OTOF: variants seen among roughly 807,000 people sequenced by gnomAD.
OTOF encodes the protein otoferlin, also known as fer-1-like family member 2.
A neutral mutation model predicts 236.8 loss-of-function variants in OTOF; 218 were observed. The observed-to-expected ratio is 0.92, with a 90% CI of 0.82 to 1.03. The LOEUF (loss-of-function observed/expected upper bound fraction) is 1.03, where lower values mean the gene tolerates loss of function less well. OTOF is among the 50% of genes least tolerant of loss of function. The pLI is 0.00. For missense variants in OTOF, 2,590 were observed against 2,694.4 expected, an observed-to-expected ratio of 0.96 and a Z score of 0.86; for synonymous variants, 1,041 against 1,072.5, an observed-to-expected ratio of 0.97 and a Z score of 0.57.
chr2:26,553,710 A>G (rs939528742), intron 1 of OTOF, among the ~76,000 whole-genome samples: 3 of 152,096 alleles, frequency 2.0e-5, no homozygotes, highest in East Asian at 1.9e-4. Flanking sequence ...CCCCTGCTCA[A>G]TAAAAACTCC....
Position 26,475,841 on chromosome 2 carries a change from C to T in OTOF, c.2991+73G>A. Reference sequence around the variant, plus strand: ...CCCACAGGCTCACAGGCCCCACAGGCTCCAGTCCCCACAGGCTCACAGGCT... The same window carrying T: ...CCCACAGGCTCACAGGCCCCACAGGTTCCAGTCCCCACAGGCTCACAGGCT... On this transcript the variant is annotated intron_variant, in intron 24 of 46. Coordinates refer to ENST00000272371, the MANE Select transcript of OTOF (RefSeq NM_194248.3). The T allele has an allele frequency of 3.3e-6, 5 of 1,537,686 alleles. No individual in the cohort carries two copies. The African/African-American group carries it at 5.5e-5, about 17-fold the overall frequency.
Position 26,462,954 on chromosome 2 carries a change from C to T in OTOF, c.5192+529G>A, listed in dbSNP as rs1664549370. Reference sequence around the variant, plus strand: ...GGAAACCCGGGTTCTTTTCACTCTACCACCTCCTGCCTCTTCCAGGCACTC... The same window carrying T: ...GGAAACCCGGGTTCTTTTCACTCTATCACCTCCTGCCTCTTCCAGGCACTC... On this transcript the variant is annotated intron_variant, in intron 41 of 46. Transcript: ENST00000272371. The surrounding 1 kb of genome is among the most constrained non-coding windows in gnomAD (Gnocchi z 4.7). Among the ~76,000 whole-genome samples, 1 of 152,188 alleles carries T rather than the reference C, an allele frequency of 6.6e-6. No homozygotes were observed. The highest frequency in any genetic ancestry group is 2.4e-5 in the African/African-American group (1 of 41,438).
At chr2:26,519,252 A>G (rs996368124) in intron 3 of OTOF, 143 bp from the exon 4 acceptor site, 1 of 668,634 alleles carries the variant, frequency 1.5e-6, no homozygotes. Flanking sequence ...AAGGTGGCCC[A>G]GGAGCCAGGA....
rs1347066697 is a variant in OTOF at position 26,460,625 on chromosome 2, GC to G, written c.5813+21del. ...CCTCCAAGAGCCAGAGTGGGGAGGG[GC>G]TGGGCCGGCAGGGCACTCACTTGGG... On this transcript the variant is annotated intron_variant, in intron 45 of 46. Coordinates refer to ENST00000272371, the MANE Select transcript of OTOF (RefSeq NM_194248.3). The surrounding 1 kb of genome is among the most constrained non-coding windows in gnomAD (Gnocchi z 5.3). 7 of 1,590,512 alleles carry G rather than the reference GC, an allele frequency of 4.4e-6. No homozygotes were observed. Among genetic ancestry groups the G allele is most frequent in the Non-Finnish European group, 6.0e-6 (7 of 1,159,066 alleles).
In OTOF at chr2:26,462,193, G is replaced by T; in HGVS notation, c.5193-12C>A. ...CCCGCAGCTCGTACCTGGGCCCAGG[G>T]AGAGAAGGCTGGTTAGCAGCCCCAG... On this transcript the variant is annotated splice_polypyrimidine_tract_variant and intron_variant, in intron 41 of 46. Coordinates refer to ENST00000272371, the MANE Select transcript of OTOF (RefSeq NM_194248.3). This position sits in a 1 kb window ranked among gnomAD's most constrained non-coding sequence, Gnocchi z 4.7. 2 of 1,612,472 alleles carry T rather than the reference G, an allele frequency of 1.2e-6. No individual in the cohort carries two copies. Among genetic ancestry groups the T allele is most frequent in the Non-Finnish European group, 1.7e-6 (2 of 1,178,578 alleles).
At chr2:26,541,368 G>C (rs1006481424) in intron 1 of OTOF, among the ~76,000 whole-genome samples, 2 of 152,136 alleles carry the variant, frequency 1.3e-5, no homozygotes, top group African/African-American at 4.8e-5. Flanking sequence ...TTTAGGCCCT[G>C]GGGATTTAGA....
intron 5 of OTOF, among the ~76,000 whole-genome samples, chr2:26,509,832 C>T (rs898778008): frequency 1.3e-5 from 2 of 152,164 alleles, no homozygotes; most frequent in Non-Finnish European, 2.9e-5. Flanking sequence ...TTTCCTGGGT[C>T]TATGGTGAGC....
chr2:26,479,402 G>A lies in OTOF; in HGVS notation c.2094-18C>T, dbSNP rs758860602. On this transcript the variant is annotated intron_variant, in intron 17 of 46. Transcript: ENST00000272371. ...AGTAGTTCCTGGGGTGGGCAGAGGC[G>A]GGAGGTGAGGTCTTGGGGGCCCAGG... 4.3e-5 allele frequency: 70 copies of A among 1,611,380 alleles called. 1 individual carries two copies. Among genetic ancestry groups the A allele is most frequent in the Middle Eastern group, 1.6e-4 (1 of 6,078 alleles).
intron 38 of OTOF, 112 bp from the exon 39 acceptor site, chr2:26,465,141 G>T: frequency 1.1e-6 from 1 of 914,612 alleles, no homozygotes; most frequent in Non-Finnish European, 1.6e-6. Context: ...ATCAGCAAGT[G>T]AGCCTGATTC....
intron 2 of OTOF, among the ~76,000 whole-genome samples, chr2:26,536,734 AGG>A (rs1050621611): frequency 2.6e-5 from 4 of 152,054 alleles, no homozygotes; most frequent in Non-Finnish European, 5.9e-5. Flanking sequence ...CCCAGGAGAG[AGG>A]GGGTACACTA....
chr2:26,535,063 G>T (rs1667037931), intron 2 of OTOF, among the ~76,000 whole-genome samples: 1 of 152,244 alleles, frequency 6.6e-6, no homozygotes, highest in African/African-American at 2.4e-5. Flanking sequence ...CCTGAACAGG[G>T]AATGGGAGGG....
At chr2:26,509,252 C>T (rs1239491890) in intron 5 of OTOF, among the ~76,000 whole-genome samples, 1 of 152,168 alleles carries the variant, frequency 6.6e-6, no homozygotes. Context: ...GAAACCTGAA[C>T]CCTTGAGGAC....
chr2:26,497,092 T>TC, intron 8 of OTOF, among the ~76,000 whole-genome samples: 2 of 19,194 alleles, frequency 1.0e-4, no homozygotes, highest in Admixed American at 6.7e-4. Flanking sequence ...CATTCTTCTT[T>TC]TTTTTTTTTT....
At position 26,464,040 on chromosome 2, in the gene OTOF, C is replaced by A. The variant is rs143889717; in HGVS notation, c.5027G>T (p.Arg1676Leu). ...CTCTGGCACCAGGCGGCAGCCTGCG[C>A]GGGGGATGTCCTCCCAGTGCCTCAG... ...LALRHWEDIP[R>L]AGCRLVPEHV... Residue 1676 changes from arginine (R) to leucine (L), a missense_variant, in exon 40 of 47, where the codon CGC (arginine) becomes CTC (leucine). Physicochemically the swap from Arg to Leu is moderately radical, Grantham distance 102. This residue lies in a region of OTOF where 1,211 missense variants were observed against 1,352.8 expected (regional missense o/e 0.90). Transcript: ENST00000272371. 1.1e-5 allele frequency: 17 copies of A among 1,613,594 alleles called. No individual in the cohort carries two copies. The highest frequency in any genetic ancestry group is 1.4e-5 in the Non-Finnish European group (17 of 1,180,020).
chr2:26,473,908 G>A lies in OTOF; in HGVS notation c.3408+83C>T, dbSNP rs1397880290. 1.9e-5 allele frequency: 29 copies of A among 1,546,006 alleles called. No individual in the cohort carries two copies. The highest frequency in any genetic ancestry group is 2.3e-5 in the Non-Finnish European group (26 of 1,119,906). Reference sequence around the variant, plus strand: ...GCTGCTGGCTCCTGGTGATGGTGGTGGGAGGGGGATGACAAGCCACTTCCC... The same window carrying A: ...GCTGCTGGCTCCTGGTGATGGTGGTAGGAGGGGGATGACAAGCCACTTCCC... On this transcript the variant is annotated intron_variant, in intron 27 of 46. Transcript: ENST00000272371. The surrounding 1 kb of genome is among the most constrained non-coding windows in gnomAD (Gnocchi z 7.2).
At chr2:26,513,132 C>T (rs551300667) in intron 5 of OTOF, among the ~76,000 whole-genome samples, 4 of 152,158 alleles carry the variant, frequency 2.6e-5, no homozygotes, top group Admixed American at 1.3e-4. Context: ...AGTCAGTGGG[C>T]GGTGGGGTTG....
rs528100681 is a variant in OTOF at position 26,504,214 on chromosome 2, C to G, written c.510-369G>C. ...CCTCAGTCTAGTCTCCTCAGAGCTC[C>G]GAGCCCTGCCAGTGTCCCCACGCTC... is the stretch of plus-strand genomic sequence containing the variant. On this transcript the variant is annotated intron_variant, in intron 5 of 46. Transcript: ENST00000272371. 2.0e-3 allele frequency among the ~76,000 whole-genome samples: 305 copies of G among 152,282 alleles called. 1 individual carries two copies. Among genetic ancestry groups the G allele is most frequent in the South Asian group, 9.3e-3 (45 of 4,828 alleles).
intron 1 of OTOF, among the ~76,000 whole-genome samples, chr2:26,555,787 C>T (rs937993646): frequency 6.6e-6 from 1 of 152,172 alleles, no homozygotes; most frequent in African/African-American, 2.4e-5. Context: ...GAAGATACCT[C>T]AGGGGCCAGC....
chr2:26,502,238 C>A, intron 7 of OTOF, 62 bp downstream of exon 7: 1 of 1,597,324 alleles, frequency 6.3e-7, no homozygotes. Context: ...CCAATCATGG[C>A]AAGCCAGGTC....
Sources: allele counts gnomAD v4.1 joint callset (sites outside exome capture counted in the v4.1 genomes callset), GRCh38; gene constraint gnomAD v4.1.1; regional missense constraint gnomAD v4.1.1; non-coding constraint Gnocchi (gnomAD v3.1); transcripts MANE v1.5; gene names NCBI Gene and HGNC (gene_info 2026-07-23, HGNC 2026-07-21).